Variants in ARCN1 observed in about 807,000 individuals in gnomAD.
ARCN1 encodes coatomer subunit delta.
In ARCN1, 5 loss-of-function variants were observed where a neutral mutation model predicts 60.4. That is an observed-to-expected ratio of 0.08 (90% confidence interval 0.04 to 0.17). ARCN1 has a LOEUF of 0.17. Among genes scored for constraint, ARCN1 ranks in the 10% least tolerant of loss-of-function variants. The pLI, the probability that ARCN1 is intolerant of heterozygous loss-of-function variation, is 1.00. For missense variants in ARCN1, 464 were observed against 626.5 expected (o/e 0.74, Z 2.77); for synonymous variants, 224 against 220.0 (o/e 1.02, Z -0.16).
At chr11:118,573,316 T>C (rs537259798) in intron 1 of ARCN1, among the ~76,000 whole-genome samples, 1 of 152,306 alleles carries the variant, frequency 6.6e-6, no homozygotes, top group East Asian at 1.9e-4. Flanking sequence ...GTCAGATGTC[T>C]CACAGGAGGT....
At chr11:118,576,442 A>AAAC (rs1938511668) in intron 1 of ARCN1, among the ~76,000 whole-genome samples, 1 of 131,402 alleles carries the variant, frequency 7.6e-6, no homozygotes, top group Admixed American at 7.2e-5. Flanking sequence ...AAAAAAAAAA[A>AAAC]AAAAAAACCA....
chr11:118,585,106 G>A (rs1387761747), intron 5 of ARCN1, among the ~76,000 whole-genome samples: 2 of 152,138 alleles, frequency 1.3e-5, no homozygotes, highest in South Asian at 2.1e-4. Flanking sequence ...GATTACAGGC[G>A]TGAGCCACCA....
rs1938719549 is a variant in ARCN1 at position 118,583,991 on chromosome 11, A to G, written c.630A>G (p.Pro210=). 6.2e-7 allele frequency: 1 copy of G among 1,614,210 alleles called. No individual in the cohort carries two copies. Among genetic ancestry groups the G allele is most frequent in the East Asian group, 2.2e-5 (1 of 44,888 alleles). The part of the protein sequence containing the change: ...ITETIIETDK[P]KVAPAPARPS... ...AGACCATCATTGAAACTGATAAACC[A>G]AAAGTGGCACCTGCACCAGCCAGGT... Residue 210 remains proline, a synonymous_variant, in exon 4 of 10, where the codon CCA becomes CCG. Transcript: ENST00000264028.
rs147950670 is a variant in ARCN1, at chr11:118,584,596, G to A, written c.770G>A (p.Arg257His). The change falls in exon 5 of 10, where the codon CGT becomes CAT. Residue 257 changes from arginine (R) to histidine (H), a missense_variant. Arg to His is a conservative substitution (Grantham distance 29, BLOSUM62 0). This residue lies in a region of ARCN1 where 359 missense variants were observed against 440.2 expected (regional missense o/e 0.82). Transcript: ENST00000264028. ...ATCATGTCCTCTAGTATGGGCAAGC[G>A]TACTTCTGAAGCAACCAAAATGCAT... ...ETIMSSSMGK[R>H]TSEATKMHAP... 93 of 1,612,664 alleles carry A rather than the reference G, an allele frequency of 5.8e-5. No homozygotes were observed. In the African/African-American group the frequency reaches 8.9e-4, roughly 16 times the overall value.
intron 5 of ARCN1, among the ~76,000 whole-genome samples, chr11:118,585,485 A>G (rs1165422228): frequency 1.3e-5 from 2 of 152,158 alleles, no homozygotes; most frequent in African/African-American, 4.8e-5. Flanking sequence ...CCAATCTTTA[A>G]TCCAAAACTT....
At chr11:118,580,598 TAGC>T (rs2135538705) in intron 1 of ARCN1, among the ~76,000 whole-genome samples, 1 of 152,258 alleles carries the variant, frequency 6.6e-6, no homozygotes, top group African/African-American at 2.4e-5. Flanking sequence ...CCTAAAAAAT[TAGC>T]AATAATTTTT....
At position 118,598,638 on chromosome 11, in the gene ARCN1, G is replaced by A. The variant is rs7931614; in HGVS notation, c.1446+727G>A. On this transcript the variant is annotated intron_variant, in intron 9 of 9. Coordinates refer to ENST00000264028, the MANE Select transcript of ARCN1 (RefSeq NM_001655.5). ...GCCTCCCAAGTAGCTGGAAATACAG[G>A]AATGCGCCACCATGCCCTGCTAATT... is the stretch of plus-strand genomic sequence containing the variant. Among the ~76,000 whole-genome samples, 1,408 of 151,918 alleles carry A rather than the reference G, an allele frequency of 9.3e-3. 20 individuals carry two copies. Among genetic ancestry groups the A allele is most frequent in the African/African-American group, 0.032 (1,333 of 41,408 alleles).
chr11:118,592,070 G>A (rs368109325), intron 6 of ARCN1, among the ~76,000 whole-genome samples: 7 of 152,056 alleles, frequency 4.6e-5, no homozygotes, highest in African/African-American at 1.7e-4. Context: ...ACAGGCGTGC[G>A]CCACCATGTC....
rs893184537 is a variant in ARCN1 at position 118,572,444 on chromosome 11, C to G, written c.-104C>G. 6.4e-5 allele frequency: 78 copies of G among 1,226,246 alleles called. No homozygotes were observed. The highest frequency in any genetic ancestry group is 7.9e-5 in the Non-Finnish European group (71 of 894,622). 76.0% of individuals were successfully genotyped at this position (1,226,246 alleles called of 1,614,324 possible). A position where few individuals can be genotyped will look rare whatever the true frequency, so the allele number is the denominator to read the frequency against. On this transcript the variant is annotated 5_prime_UTR_variant, in exon 1 of 10. Transcript: ENST00000264028. The stretch of plus-strand genomic sequence containing the variant: ...GAGGCGAAGCGGCAGCGGTTCCTGT[C>G]AAGGGGGCAGCAGGTCCAGAGCTGC...
intron 1 of ARCN1, among the ~76,000 whole-genome samples, chr11:118,575,409 C>CA (rs1290273402): frequency 1.5e-4 from 19 of 130,800 alleles, no homozygotes; most frequent in African/African-American, 5.1e-4. Flanking sequence ...AAACTGATAA[C>CA]GGGTGTGTGT....
intron 2 of ARCN1, among the ~76,000 whole-genome samples, chr11:118,582,157 G>T (rs1401908349): frequency 6.6e-6 from 1 of 151,802 alleles, no homozygotes; most frequent in Non-Finnish European, 1.5e-5. Context: ...TTTTTTTAAA[G>T]ACGGAGTCTC....
At chr11:118,594,907 T>C (rs573883509) in intron 8 of ARCN1, among the ~76,000 whole-genome samples, 2 of 152,142 alleles carry the variant, frequency 1.3e-5, no homozygotes, top group Admixed American at 6.5e-5. Context: ...TGCAGTGCAG[T>C]GGTGCAACCT....
At position 118,600,812 on chromosome 11, in the gene ARCN1, G is replaced by A; in HGVS notation, c.*98G>A. ...TTTCCCAGATTTACAAGCCACTGGA[G>A]ACCCCTTTTTTCTGATACAATGCAC... is the stretch of plus-strand genomic sequence containing the variant. On this transcript the variant is annotated 3_prime_UTR_variant, in exon 10 of 10. Transcript: ENST00000264028. 1 of 835,990 alleles carries A rather than the reference G, an allele frequency of 1.2e-6. No homozygotes were observed. 51.8% of individuals were successfully genotyped at this position (835,990 alleles called of 1,614,324 possible).
intron 6 of ARCN1, among the ~76,000 whole-genome samples, chr11:118,591,152 G>A (rs115564115): frequency 0.013 from 2,017 of 152,330 alleles, 45 homozygotes; most frequent in African/African-American, 0.043. Context: ...ATAAGTGTGT[G>A]TGTTCCAACT....
intron 1 of ARCN1, among the ~76,000 whole-genome samples, chr11:118,576,336 A>G (rs1413928838): frequency 6.7e-6 from 1 of 149,728 alleles, no homozygotes; most frequent in Non-Finnish European, 1.5e-5. Flanking sequence ...GAGATCATCT[A>G]ACTTATGGGC....
rs562266337 is a variant in ARCN1 at position 118,577,628 on chromosome 11, G to A, written c.4-3618G>A. ...CCTCTGAATTTCCACGCACTTTATC[G>A]GTTACTCTCTCATGTTACTTAACAC... On this transcript the variant is annotated intron_variant, in intron 1 of 9. Transcript: ENST00000264028. 7.2e-5 allele frequency among the ~76,000 whole-genome samples: 11 copies of A among 152,186 alleles called. 1 individual carries two copies. The South Asian group carries it at 1.9e-3, about 26-fold the overall frequency.
In ARCN1 at chr11:118,581,939, C is replaced by CAG. The variant is rs1162421950; in HGVS notation, c.267+431_267+432insGA. Among the ~76,000 whole-genome samples the CAG allele has an allele frequency of 7.3e-3, 1,074 of 146,492 alleles. 20 individuals are homozygous for CAG. The highest frequency in any genetic ancestry group is 0.025 in the African/African-American group (1,001 of 39,686). ...ATCCAGAGACAGACAGACAGACAGA[C>CAG]ACACACACACACACACACACACACA... On this transcript the variant is annotated intron_variant, in intron 2 of 9. Transcript: ENST00000264028.
intron 5 of ARCN1, among the ~76,000 whole-genome samples, chr11:118,585,459 TAAAGTC>T (rs1330868627): frequency 6.6e-6 from 1 of 152,246 alleles, no homozygotes; most frequent in Non-Finnish European, 1.5e-5. Flanking sequence ...TTTTTCTAAT[TAAAGTC>T]TAAGTAGAAC....
intron 6 of ARCN1, among the ~76,000 whole-genome samples, chr11:118,591,566 T>A (rs11216918): frequency 6.6e-6 from 1 of 151,936 alleles, no homozygotes; most frequent in African/African-American, 2.4e-5. Flanking sequence ...TAATTTTTTT[T>A]ATTTTTAGTA....
Sources: gnomAD v4.1 joint callset for allele counts (sites outside exome capture counted in the v4.1 genomes callset) on GRCh38, gnomAD v4.1.1 for gene constraint, gnomAD v4.1.1 regional missense constraint, MANE v1.5 for transcripts, NCBI Gene and HGNC (gene_info 2026-07-23, HGNC 2026-07-21) for gene names.